Variants in OPRM1 observed in about 807,000 individuals in gnomAD.
The protein encoded by OPRM1 is opioid receptor mu 1.
In OPRM1, 27 loss-of-function variants were observed where a neutral mutation model predicts 31.8. The observed-to-expected ratio is 0.85, with a 90% CI of 0.63 to 1.17. The LOEUF (loss-of-function observed/expected upper bound fraction) is 1.17, where lower values mean the gene tolerates loss of function less well. OPRM1 is among the 50% of genes most tolerant of loss of function. The probability of loss-of-function intolerance (pLI) is 0.00; values close to 1 mark genes in which losing one functional copy is unlikely to be tolerated. For synonymous variants in OPRM1, 196 were observed against 189.9 expected (o/e 1.03, Z -0.26); for missense variants, 536 against 511.1 (o/e 1.05, Z -0.47).
intron 3 of OPRM1, among the ~76,000 whole-genome samples, chr6:154,228,282 A>G: frequency 6.7e-6 from 1 of 148,846 alleles, no homozygotes; most frequent in Non-Finnish European, 1.5e-5. Context: ...CCCAGACAAC[A>G]TAGGCAGACC....
At chr6:154,050,016 C>T (rs534673) in intron 1 of OPRM1, among the ~76,000 whole-genome samples, 40,781 of 151,962 alleles carry the variant, frequency 0.27, 6,222 homozygotes, top group African/African-American at 0.4. Flanking sequence ...ACTGGCCTCA[C>T]AGAATGAGTT....
chr6:154,160,255 AGTGG>A (rs1020293747), intron 3 of OPRM1, among the ~76,000 whole-genome samples: 46 of 152,366 alleles, frequency 3.0e-4, no homozygotes, highest in African/African-American at 1.1e-3. Context: ...CCCAAGAGTT[AGTGG>A]AAGAGCTAGA....
chr6:154,049,387 C>T (rs971199739), intron 1 of OPRM1, among the ~76,000 whole-genome samples: 45 of 152,168 alleles, frequency 3.0e-4, no homozygotes, highest in African/African-American at 1.1e-3. Flanking sequence ...GACAGCAGAG[C>T]ATTGCCTTGT....
At chr6:154,214,264 T>A in intron 3 of OPRM1, 1 of 1,609,544 alleles carries the variant, frequency 6.2e-7, no homozygotes, top group Admixed American at 1.7e-5. Flanking sequence ...CCGATCCAAG[T>A]TTATTTAACC....
At chr6:154,203,333 G>A (rs965537603) in intron 3 of OPRM1, among the ~76,000 whole-genome samples, 2 of 152,178 alleles carry the variant, frequency 1.3e-5, no homozygotes, top group African/African-American at 4.8e-5. Flanking sequence ...TTTGCCTGGT[G>A]CTTCTGCGGT....
intron 1 of OPRM1, among the ~76,000 whole-genome samples, chr6:154,089,244 C>T (rs1023281971): frequency 2.0e-5 from 3 of 151,834 alleles, no homozygotes; most frequent in Non-Finnish European, 4.4e-5. Context: ...CTGGAATCTC[C>T]CTCTTTCTAT....
intron 3 of OPRM1, among the ~76,000 whole-genome samples, chr6:154,232,932 A>C (rs1181420355): frequency 6.6e-6 from 1 of 151,466 alleles, no homozygotes; most frequent in Non-Finnish European, 1.5e-5. Flanking sequence ...AGAAGGAATG[A>C]CCCAGAAATT....
rs555654264 is a variant in OPRM1 at position 154,157,577 on chromosome 6, A to G, written c.1164+66105A>G. The G allele has an allele frequency of 4.6e-5, 7 of 152,352 alleles. No homozygotes were observed. The South Asian group carries it at 1.4e-3, about 32-fold the overall frequency. The allele number at this position is 152,352 out of a possible 1,614,324, so 9.4% of individuals were successfully genotyped here. A position where few individuals can be genotyped will look rare whatever the true frequency, so the allele number is the denominator to read the frequency against. ...AGTTTACAGTTGAAAGGCTGGGGAAATATGTCTTCACGAAAAGCCAAAGGA... is the reference window on the plus strand; with the variant it reads ...AGTTTACAGTTGAAAGGCTGGGGAAGTATGTCTTCACGAAAAGCCAAAGGA... On this transcript the variant is annotated intron_variant, in intron 3 of 3. Transcript: ENST00000337049.
At chr6:154,150,424 C>T (rs1798469024) in intron 3 of OPRM1, among the ~76,000 whole-genome samples, 1 of 152,204 alleles carries the variant, frequency 6.6e-6, no homozygotes, top group Non-Finnish European at 1.5e-5. Context: ...GTCCTTTAGT[C>T]AGACTAGCCC....
At chr6:154,035,782 T>C (rs79996746), upstream of OPRM1, among the ~76,000 whole-genome samples, 5,315 of 152,236 alleles carry the variant, frequency 0.035, 133 homozygotes, top group South Asian at 0.078. Context: ...AAACAAATAA[T>C]TTTTGTGAAA....
chr6:154,157,725 T>TAAA (rs1164164068), intron 3 of OPRM1: 1 of 152,260 alleles, frequency 6.6e-6, no homozygotes, highest in East Asian at 1.9e-4. Flanking sequence ...GGGCACTTTA[T>TAAA]GTCACACTGT....
chr6:154,115,127 AT>A (rs1023202466), intron 3 of OPRM1, among the ~76,000 whole-genome samples: 1 of 152,248 alleles, frequency 6.6e-6, no homozygotes, highest in African/African-American at 2.4e-5. Context: ...TTCCTTTCCT[AT>A]TTTTTTGGTA....
At chr6:154,170,803 A>G (rs1799811247) in intron 3 of OPRM1, among the ~76,000 whole-genome samples, 1 of 152,202 alleles carries the variant, frequency 6.6e-6, no homozygotes, top group African/African-American at 2.4e-5. Context: ...AGTGTGGATG[A>G]GGATGTGGAT....
chr6:154,190,164 A>G (rs1378764270), intron 3 of OPRM1, among the ~76,000 whole-genome samples: 6 of 152,150 alleles, frequency 3.9e-5, no homozygotes. Context: ...CACCAACATC[A>G]CATAAGCAAA....
At chr6:154,044,912 A>G (rs1192672876) in intron 1 of OPRM1, among the ~76,000 whole-genome samples, 2 of 152,146 alleles carry the variant, frequency 1.3e-5, no homozygotes, top group African/African-American at 4.8e-5. Flanking sequence ...ATAACATACA[A>G]CTATATGAGA....
intron 3 of OPRM1, among the ~76,000 whole-genome samples, chr6:154,116,373 G>A (rs990643194): frequency 2.6e-5 from 4 of 152,004 alleles, no homozygotes; most frequent in African/African-American, 9.7e-5. Context: ...ATCACTTGAG[G>A]TCAAGAGCTC....
chr6:154,238,096 T>C (rs930155415), intron 3 of OPRM1, among the ~76,000 whole-genome samples: 3 of 152,192 alleles, frequency 2.0e-5, no homozygotes, highest in Admixed American at 6.5e-5. Context: ...TATACATGTA[T>C]CAACATGGAA....
intron 3 of OPRM1, among the ~76,000 whole-genome samples, chr6:154,229,376 G>GTC (rs1192999084): frequency 7.4e-6 from 1 of 134,324 alleles, no homozygotes; most frequent in East Asian, 2.2e-4. Context: ...TTGAGACGGA[G>GTC]TCTCTCTCTG....
intron 1 of OPRM1, among the ~76,000 whole-genome samples, chr6:154,020,688 C>A (rs891542972): frequency 6.6e-6 from 1 of 152,122 alleles, no homozygotes; most frequent in Non-Finnish European, 1.5e-5. Flanking sequence ...GAGTTCTTAC[C>A]GCACCAGCAT....
Sources: gnomAD v4.1 joint callset for allele counts (sites outside exome capture counted in the v4.1 genomes callset) on GRCh38, gnomAD v4.1.1 for gene constraint, MANE v1.5 for transcripts, NCBI Gene and HGNC (gene_info 2026-07-23, HGNC 2026-07-21) for gene names.